The following HTR2C variants were observed in gnomAD, a reference collection of about 807,000 sequenced individuals.
HTR2C encodes the protein 5-hydroxytryptamine receptor 2C, also known as 5-hydroxytryptamine (serotonin) receptor 2C, G protein-coupled.
HTR2C carries 5 observed loss-of-function variants against 21.0 expected under a neutral mutation model. That is an observed-to-expected ratio of 0.24 (90% confidence interval 0.12 to 0.50). HTR2C has a LOEUF of 0.50. Ranked by LOEUF, HTR2C falls within the 20% of genes least tolerant of loss-of-function variation. The probability of loss-of-function intolerance (pLI) is 0.98; values close to 1 mark genes in which losing one functional copy is unlikely to be tolerated. For synonymous variants in HTR2C, 150 were observed against 145.3 expected, an observed-to-expected ratio of 1.03 and a Z score of -0.23; for missense variants, 271 against 371.2, an observed-to-expected ratio of 0.73 and a Z score of 2.22.
At chrX:114,741,524 TAAAA>T (rs782206973) in intron 4 of HTR2C, among the ~76,000 whole-genome samples, 19 of 4,895 alleles carry the variant, frequency 3.9e-3, no homozygotes, top group Non-Finnish European at 4.7e-3. Flanking sequence ...CGACTCCGTC[TAAAA>T]AAAAAAAAAA....
rs60498146 is a variant in HTR2C at position 114,876,422 on chromosome X, C to CTTTTTTTTTTTT, written c.550+28225_550+28236dup. On this transcript the variant is annotated intron_variant, in intron 5 of 5. Transcript: ENST00000276198. ...TTTCTTTCTTTCTTTCTTTTTCTTT[C>CTTTTTTTTTTTT]TTTTTTTTTTTTTTTTTGCCTGCTT... is the stretch of plus-strand genomic sequence containing the variant. Among the ~76,000 whole-genome samples, 33 of 62,373 alleles carry CTTTTTTTTTTTT rather than the reference C, an allele frequency of 5.3e-4. 1 individual carries two copies. The highest frequency in any genetic ancestry group is 8.0e-4 in the African/African-American group (13 of 16,290). 54.2% of individuals were successfully genotyped at this position (62,373 alleles called of 115,157 possible).
intron 4 of HTR2C, among the ~76,000 whole-genome samples, chrX:114,780,591 A>C (rs1556440313): frequency 1.8e-5 from 2 of 111,506 alleles, no homozygotes; most frequent in African/African-American, 6.5e-5. Context: ...TGAGGGGAGG[A>C]GTAAACCTGT....
At chrX:114,901,675 C>A (rs2071338204) in intron 5 of HTR2C, among the ~76,000 whole-genome samples, 1 of 111,390 alleles carries the variant, frequency 9.0e-6, no homozygotes, top group South Asian at 3.7e-4. Context: ...CAGAGATTTG[C>A]AACAACTGAA....
intron 5 of HTR2C, among the ~76,000 whole-genome samples, chrX:114,856,372 A>G (rs781800679): frequency 6.0e-5 from 6 of 100,478 alleles, no homozygotes; most frequent in East Asian, 3.1e-4. Context: ...GGAAGAATCA[A>G]TATCGTGAAA....
At position 114,824,017 on chromosome X, in the gene HTR2C, A is replaced by C. The variant is rs187169584; in HGVS notation, c.350-23986A>C. Among the ~76,000 whole-genome samples, 575 of 112,283 alleles carry C rather than the reference A, an allele frequency of 5.1e-3. 4 individuals are homozygous for C. The highest frequency in any genetic ancestry group is 0.018 in the African/African-American group (546 of 30,916). On this transcript the variant is annotated intron_variant, in intron 4 of 5. Coordinates refer to ENST00000276198, the MANE Select transcript of HTR2C (RefSeq NM_000868.4). ...GGTCAAGGTAAGATAGTAAATTAAAAAATATGTCTCAAAGTCAGAAGAAGG... is the reference window on the plus strand; with the variant it reads ...GGTCAAGGTAAGATAGTAAATTAAACAATATGTCTCAAAGTCAGAAGAAGG...
intron 2 of HTR2C, among the ~76,000 whole-genome samples, chrX:114,625,255 A>G (rs781811394): frequency 3.5e-3 from 384 of 111,033 alleles, no homozygotes; most frequent in African/African-American, 0.012. Context: ...GGGCTTTTCT[A>G]AAATATTCTC....
At chrX:114,700,832 T>C (rs1932448438) in intron 2 of HTR2C, among the ~76,000 whole-genome samples, 1 of 112,429 alleles carries the variant, frequency 8.9e-6, no homozygotes, top group East Asian at 2.8e-4. Context: ...AGACGGCACC[T>C]GGAAAATCGG....
chrX:114,702,562 A>G (rs1488032703), intron 2 of HTR2C, among the ~76,000 whole-genome samples: 2 of 111,648 alleles, frequency 1.8e-5, no homozygotes, highest in Admixed American at 1.9e-4. Context: ...TGGAGGAAGC[A>G]CTAAACATGG....
intron 2 of HTR2C, among the ~76,000 whole-genome samples, chrX:114,711,890 T>C (rs1932897200): frequency 8.9e-6 from 1 of 111,844 alleles, no homozygotes; most frequent in Non-Finnish European, 1.9e-5. Flanking sequence ...TTTAAGAAAA[T>C]AGGGTCCTAT....
chrX:114,746,158 T>C (rs2069701632), intron 4 of HTR2C, among the ~76,000 whole-genome samples: 1 of 111,551 alleles, frequency 9.0e-6, no homozygotes, highest in African/African-American at 3.3e-5. Context: ...TCTCCATGCC[T>C]GGATAGCTTC....
At chrX:114,672,691 C>T (rs1556411978) in intron 2 of HTR2C, among the ~76,000 whole-genome samples, 1 of 111,938 alleles carries the variant, frequency 8.9e-6, no homozygotes, top group Admixed American at 9.5e-5. Context: ...TGTACACATG[C>T]ACACAACCAA....
At chrX:114,605,095 G>C (rs1556396351) in intron 1 of HTR2C, among the ~76,000 whole-genome samples, 1 of 111,086 alleles carries the variant, frequency 9.0e-6, no homozygotes, top group Admixed American at 9.6e-5. Context: ...GTCATGAACT[G>C]GGCTGGATTT....
intron 4 of HTR2C, among the ~76,000 whole-genome samples, chrX:114,780,020 A>G (rs1436758211): frequency 9.0e-6 from 1 of 111,665 alleles, no homozygotes; most frequent in Non-Finnish European, 1.9e-5. Context: ...AACTAACAAA[A>G]CAATGATAAA....
chrX:114,657,556 T>C (rs1298478102), intron 2 of HTR2C, among the ~76,000 whole-genome samples: 1 of 111,550 alleles, frequency 9.0e-6, no homozygotes, highest in Non-Finnish European at 1.9e-5. Context: ...TTGCAATGAA[T>C]AGAAGAAATC....
chrX:114,717,924 G>T (rs782496803), intron 2 of HTR2C, among the ~76,000 whole-genome samples: 1 of 50,596 alleles, frequency 2.0e-5, no homozygotes, highest in South Asian at 1.6e-3. Context: ...CATCTATATG[G>T]CTCTTCTGCT....
chrX:114,676,898 A>G (rs1931581560), intron 2 of HTR2C, among the ~76,000 whole-genome samples: 1 of 112,198 alleles, frequency 8.9e-6, no homozygotes. Context: ...GGATAGAAGG[A>G]AAGCAAGATT....
At chrX:114,693,839 A>T (rs782285851) in intron 2 of HTR2C, among the ~76,000 whole-genome samples, 21 of 111,920 alleles carry the variant, frequency 1.9e-4, no homozygotes, top group Non-Finnish European at 3.6e-4. Flanking sequence ...AGGGATTATG[A>T]TCTAATGTGG....
chrX:114,830,905 A>T (rs1321491279), intron 4 of HTR2C, among the ~76,000 whole-genome samples: 30 of 70,492 alleles, frequency 4.3e-4, no homozygotes, highest in African/African-American at 1.3e-3. Context: ...TGTCCATGTG[A>T]TCTCATTGTT....
chrX:114,644,062 G>T (rs1556406918), intron 2 of HTR2C, among the ~76,000 whole-genome samples: 14 of 109,430 alleles, frequency 1.3e-4, no homozygotes, highest in Non-Finnish European at 5.7e-5. Context: ...TCTGAGAAGG[G>T]CTGCGCACGG....
Sources: allele counts gnomAD v4.1 joint callset (sites outside exome capture counted in the v4.1 genomes callset), GRCh38; gene constraint gnomAD v4.1.1; transcripts MANE v1.5; gene names NCBI Gene and HGNC (gene_info 2026-07-23, HGNC 2026-07-21).